The following IQGAP1 variants were observed in gnomAD, a reference collection of about 807,000 sequenced individuals.
IQGAP1 encodes the protein IQ motif containing GTPase activating protein 1.
IQGAP1 carries 66 observed loss-of-function variants against 215.6 expected under a neutral mutation model. That is an observed-to-expected ratio of 0.31 (90% CI 0.25 to 0.38). The LOEUF (loss-of-function observed/expected upper bound fraction) is 0.38. Ranked by LOEUF, IQGAP1 falls within the 10% of genes least tolerant of loss-of-function variation. The pLI is 1.00. For missense variants in IQGAP1, 1,712 were observed against 1,997.1 expected, an observed-to-expected ratio of 0.86 and a Z score of 2.72; for synonymous variants, 772 against 728.7, an observed-to-expected ratio of 1.06 and a Z score of -0.96.
rs570515211 is a variant in IQGAP1, at chr15:90,388,245, C to T, written c.-97C>T. On this transcript the variant is annotated 5_prime_UTR_variant, in exon 1 of 38. Coordinates refer to ENST00000268182, the MANE Select transcript of IQGAP1 (RefSeq NM_003870.4). ...CGGCACGGGGCGGGGCCTCGGGGAC[C>T]CCGGCAAGCCCGCGCACTTGGCAGG... is the stretch of plus-strand genomic sequence containing the variant. 1 of 1,399,052 alleles carries T rather than the reference C, an allele frequency of 7.1e-7. No homozygotes were observed. The highest frequency in any genetic ancestry group is 9.8e-7 in the Non-Finnish European group (1 of 1,023,044). 86.7% of individuals were successfully genotyped at this position (1,399,052 alleles called of 1,614,324 possible). A position where few individuals can be genotyped will look rare whatever the true frequency, so the allele number is the denominator to read the frequency against.
rs764089739 is a variant in IQGAP1 at position 90,473,938 on chromosome 15, C to G, written c.2476C>G (p.Arg826Gly). 3 of 1,614,034 alleles carry G rather than the reference C, an allele frequency of 1.9e-6. No individual in the cohort carries two copies. The highest frequency in any genetic ancestry group is 2.5e-6 in the Non-Finnish European group (3 of 1,180,010). ...GATGCACCAAGCTCGAAAGCGCTAT[C>G]GAGATCGCCTGCAGTACTTCCGGGA... ...ARMHQARKRY[R>G]DRLQYFRDHI... Residue 826 changes from arginine to glycine, a missense_variant, in exon 21 of 38, where the codon CGA becomes GGA. By Grantham distance (125) the Arg-to-Gly change is moderately radical (BLOSUM62 -2). Coordinates refer to ENST00000268182, the MANE Select transcript of IQGAP1 (RefSeq NM_003870.4).
intron 26 of IQGAP1, among the ~76,000 whole-genome samples, chr15:90,481,532 C>CT (rs1966059245): frequency 1.3e-5 from 2 of 152,042 alleles, no homozygotes; most frequent in Non-Finnish European, 2.9e-5. Flanking sequence ...TCTTCCTCTC[C>CT]TTTTTTCCTG....
Position 90,494,633 on chromosome 15 carries a change from C to T in IQGAP1, c.4629-80C>T, listed in dbSNP as rs1004982129. 3.9e-6 allele frequency: 5 copies of T among 1,268,628 alleles called. No homozygotes were observed. In the African/African-American group the frequency reaches 7.6e-5, roughly 19 times the overall value. 78.6% of individuals were successfully genotyped at this position (1,268,628 alleles called of 1,614,324 possible). A position where few individuals can be genotyped will look rare whatever the true frequency, so the allele number is the denominator to read the frequency against. ...TTATGTCTGGAAGTTTGGTTTCTGA[C>T]ATGTTTCCTTCAGTTACCAATGATG... On this transcript the variant is annotated intron_variant, in intron 35 of 37. Coordinates refer to ENST00000268182, the MANE Select transcript of IQGAP1 (RefSeq NM_003870.4).
At chr15:90,494,387 T>C in intron 35 of IQGAP1, 1 of 173,796 alleles carries the variant, frequency 5.8e-6, no homozygotes, top group South Asian at 1.5e-4. Flanking sequence ...TACCATTCCC[T>C]CAGCTGGCAT....
intron 6 of IQGAP1, among the ~76,000 whole-genome samples, chr15:90,440,191 C>A (rs377418620): frequency 3.3e-5 from 5 of 152,218 alleles, no homozygotes; most frequent in African/African-American, 1.2e-4. Context: ...GTTGAGCTCA[C>A]GTTAAAGCTG....
Position 90,440,603 on chromosome 15 carries a change from G to A in IQGAP1, c.637G>A (p.Asp213Asn). 2 of 1,560,814 alleles carry A rather than the reference G, an allele frequency of 1.3e-6. No individual in the cohort carries two copies. Among genetic ancestry groups the A allele is most frequent in the Admixed American group, 1.9e-5 (1 of 51,702 alleles). The change falls in exon 7 of 38, where the codon GAT becomes AAT. Residue 213 changes from aspartate (D) to asparagine (N), a missense_variant. Transcript: ENST00000268182. ...GGILANELSV[D>N]EAALHAAVIA... ...CATCTTGGCTAATGAACTGTCAGTG[G>A]ATGAAGCCGCATGTAAGAAGAGAGA... is the stretch of plus-strand genomic sequence containing the variant.
At position 90,474,046 on chromosome 15, in the gene IQGAP1, T is replaced by TTCC. The variant is rs2151032364; in HGVS notation, c.2506-16_2506-15insCTC. Reference sequence around the variant, plus strand: ...GTAGACAGATGAACAGAGAAATTTCTTCTTTTTTGTTCCTTAGATAAATGA... The same window carrying TTCC: ...GTAGACAGATGAACAGAGAAATTTCTTCCTCTTTTTTGTTCCTTAGATAAATGA... On this transcript the variant is annotated splice_polypyrimidine_tract_variant and intron_variant, in intron 21 of 37. Coordinates refer to ENST00000268182, the MANE Select transcript of IQGAP1 (RefSeq NM_003870.4). 1 of 1,612,152 alleles carries TTCC rather than the reference T, an allele frequency of 6.2e-7. No individual in the cohort carries two copies. The highest frequency in any genetic ancestry group is 8.5e-7 in the Non-Finnish European group (1 of 1,178,974).
chr15:90,455,425 T>G (rs2151024664), intron 14 of IQGAP1, among the ~76,000 whole-genome samples: 1 of 152,140 alleles, frequency 6.6e-6, no homozygotes, highest in South Asian at 2.1e-4. Flanking sequence ...AATTCAGGTG[T>G]GGGCGGAGGG....
intron 2 of IQGAP1, among the ~76,000 whole-genome samples, chr15:90,417,889 T>G (rs532088814): frequency 6.6e-6 from 1 of 152,216 alleles, no homozygotes; most frequent in Non-Finnish European, 1.5e-5. Flanking sequence ...TTTATTTCAT[T>G]GAGCAGTGGT....
At chr15:90,471,765 G>A (rs1965908714) in intron 18 of IQGAP1, among the ~76,000 whole-genome samples, 1 of 151,862 alleles carries the variant, frequency 6.6e-6, no homozygotes, top group Non-Finnish European at 1.5e-5. Flanking sequence ...CTCCCAAAGT[G>A]CTGGGATTAC....
At chr15:90,469,840 GCA>G (rs368112406) in intron 18 of IQGAP1, among the ~76,000 whole-genome samples, 2 of 152,304 alleles carry the variant, frequency 1.3e-5, no homozygotes, top group East Asian at 3.9e-4. Flanking sequence ...AAAGGAAAAA[GCA>G]CAGAGTACTG....
rs8038555 is a variant in IQGAP1 at position 90,436,421 on chromosome 15, G to A, written c.467+2626G>A. Among the ~76,000 whole-genome samples the A allele has an allele frequency of 5.6e-3, 851 of 152,278 alleles. 7 individuals are homozygous for A. Among genetic ancestry groups the A allele is most frequent in the African/African-American group, 0.02 (822 of 41,566 alleles). On this transcript the variant is annotated intron_variant, in intron 5 of 37. Coordinates refer to ENST00000268182, the MANE Select transcript of IQGAP1 (RefSeq NM_003870.4). ...TCCAAGAATTTGGATAAGGGACTGT[G>A]GACCTGTAGTAGATTCTGTTTCCTA...
chr15:90,482,354 A>G, intron 28 of IQGAP1, 73 bp downstream of exon 28: 4 of 1,392,226 alleles, frequency 2.9e-6, no homozygotes, highest in Non-Finnish European at 4.1e-6. Context: ...ACCATAGATC[A>G]TTACTAACTG....
chr15:90,490,556 C>G (rs149656975), intron 33 of IQGAP1, among the ~76,000 whole-genome samples: 1 of 152,120 alleles, frequency 6.6e-6, no homozygotes, highest in South Asian at 2.1e-4. Flanking sequence ...AGGCAAGGCT[C>G]GAGCATGATT....
intron 35 of IQGAP1, among the ~76,000 whole-genome samples, chr15:90,493,092 A>G (rs1045823235): frequency 9.2e-5 from 14 of 152,068 alleles, no homozygotes; most frequent in Admixed American, 6.6e-4. Context: ...AAAATATACA[A>G]ATTAGCTGGG....
Position 90,466,423 on chromosome 15 carries a change from A to G in IQGAP1, c.2022A>G (p.Lys674=). The G allele has an allele frequency of 6.2e-7, 1 of 1,614,136 alleles. No homozygotes were observed. The highest frequency in any genetic ancestry group is 8.5e-7 in the Non-Finnish European group (1 of 1,180,016). The change falls in exon 17 of 38, where the codon AAA becomes AAG. Residue 674 remains lysine (K), a synonymous_variant. Transcript: ENST00000268182. ...YHSDLAEAKK[K]KLAVGDNNSK... ...GTGATCTTGCTGAAGCCAAGAAGAA[A>G]AAACTGGCAGTAGGTGAGTTCTGGG...
At chr15:90,394,193 T>C (rs1159008640) in intron 2 of IQGAP1, among the ~76,000 whole-genome samples, 2 of 150,788 alleles carry the variant, frequency 1.3e-5, no homozygotes, top group South Asian at 4.2e-4. Context: ...TTCAGGTTTT[T>C]TTTTTTTTTT....
rs935133285 is a variant in IQGAP1 at position 90,500,142 on chromosome 15, G to C, written c.*34G>C. 13 of 1,252,366 alleles carry C rather than the reference G, an allele frequency of 1.0e-5. No individual in the cohort carries two copies. Among genetic ancestry groups the C allele is most frequent in the Non-Finnish European group, 1.5e-5 (13 of 852,138 alleles). 77.6% of individuals were successfully genotyped at this position (1,252,366 alleles called of 1,614,324 possible). A position where few individuals can be genotyped will look rare whatever the true frequency, so the allele number is the denominator to read the frequency against. On this transcript the variant is annotated 3_prime_UTR_variant, in exon 38 of 38. Transcript: ENST00000268182. The stretch of plus-strand genomic sequence containing the variant: ...TTGCTGCCAGCCCAGAAGGATGAAG[G>C]AAAGAAGCACCTCACAGCTCCTTTC...
chr15:90,452,974 G>A (rs767719390), intron 12 of IQGAP1, 36 bp downstream of exon 12: 1 of 1,609,740 alleles, frequency 6.2e-7, no homozygotes. Context: ...TGTGAGCAAA[G>A]TTGGGTGGAC....
Sources: allele counts gnomAD v4.1 joint callset (sites outside exome capture counted in the v4.1 genomes callset), GRCh38; gene constraint gnomAD v4.1.1; transcripts MANE v1.5; gene names NCBI Gene and HGNC (gene_info 2026-07-23, HGNC 2026-07-21).